PTPRN2: variants seen among roughly 807,000 people sequenced by gnomAD.
PTPRN2 encodes protein tyrosine phosphatase receptor type N2, also known as receptor-type tyrosine-protein phosphatase N2.
A neutral mutation model predicts 118.8 loss-of-function variants in PTPRN2; 74 were observed. The ratio of observed to expected loss-of-function variants is 0.62; its 90% CI spans 0.52 to 0.76. The LOEUF (loss-of-function observed/expected upper bound fraction) is 0.76. PTPRN2 is among the 30% of genes least tolerant of loss of function. The pLI is 0.00. For missense variants in PTPRN2, 1,481 were observed against 1,394.4 expected (o/e 1.06, Z -0.99); for synonymous variants, 641 against 608.0 (o/e 1.05, Z -0.80).
intron 11 of PTPRN2, among the ~76,000 whole-genome samples, chr7:157,984,737 C>G (rs1237145663): frequency 2.0e-5 from 3 of 152,182 alleles, no homozygotes; most frequent in African/African-American, 7.2e-5. Context: ...TCCCCACATG[C>G]AGCTCATCCC....
At chr7:158,407,247 T>C (rs1488474530) in intron 2 of PTPRN2, among the ~76,000 whole-genome samples, 711 of 31,694 alleles carry the variant, frequency 0.022, 70 homozygotes, top group East Asian at 0.041. Context: ...TCCTGGGTCC[T>C]GCGTCCTGGG....
At chr7:158,201,440 GA>G (rs1826642059) in intron 4 of PTPRN2, among the ~76,000 whole-genome samples, 1 of 152,180 alleles carries the variant, frequency 6.6e-6, no homozygotes, top group East Asian at 1.9e-4. Context: ...GAGACAAAGG[GA>G]AAAAATCAAA....
At chr7:158,153,722 T>C (rs998210490) in intron 6 of PTPRN2, among the ~76,000 whole-genome samples, 1 of 152,034 alleles carries the variant, frequency 6.6e-6, no homozygotes, top group African/African-American at 2.4e-5. Flanking sequence ...GAGAAGCCCG[T>C]GGTGTGCTCT....
rs1795605302 is a variant in PTPRN2, at chr7:157,874,650, C to A, written c.1788+24023G>T. Among the ~76,000 whole-genome samples, 1 of 152,180 alleles carries A rather than the reference C, an allele frequency of 6.6e-6. No homozygotes were observed. Among genetic ancestry groups the A allele is most frequent in the Non-Finnish European group, 1.5e-5 (1 of 68,034 alleles). On this transcript the variant is annotated intron_variant, in intron 12 of 22. Coordinates refer to ENST00000389418, the MANE Select transcript of PTPRN2 (RefSeq NM_002847.5). The surrounding 1 kb of genome is among the most constrained non-coding windows in gnomAD (Gnocchi z 5.8). ...GAGGGGGGCAGAGAAGGCCGTGCCACCCAGCAGCACAAGGCAGGGGTTTGC... is the reference window on the plus strand; with the variant it reads ...GAGGGGGGCAGAGAAGGCCGTGCCAACCAGCAGCACAAGGCAGGGGTTTGC...
intron 11 of PTPRN2, among the ~76,000 whole-genome samples, chr7:158,048,607 A>T (rs1809055777): frequency 8.9e-6 from 1 of 112,554 alleles, no homozygotes; most frequent in Non-Finnish European, 1.9e-5. Context: ...TATCATCATC[A>T]ATCACATCAC....
At chr7:158,584,820 T>G (rs1828827677) in intron 1 of PTPRN2, among the ~76,000 whole-genome samples, 1 of 152,212 alleles carries the variant, frequency 6.6e-6, no homozygotes, top group Admixed American at 6.5e-5. Flanking sequence ...GCTCCTTCAC[T>G]GTCAACATGA....
At position 158,156,531 on chromosome 7, in the gene PTPRN2, G is replaced by A. The variant is rs145250214; in HGVS notation, c.910+10400C>T. Reference sequence around the variant, plus strand: ...GAGCTAAGCCGACATCTGCAGAAACGCCCTCGTAATGGGAACAGTTACCTC... The same window carrying A: ...GAGCTAAGCCGACATCTGCAGAAACACCCTCGTAATGGGAACAGTTACCTC... On this transcript the variant is annotated intron_variant, in intron 6 of 22. Transcript: ENST00000389418. Among the ~76,000 whole-genome samples the A allele has an allele frequency of 4.4e-4, 67 of 152,330 alleles. 1 individual carries two copies. Among genetic ancestry groups the A allele is most frequent in the South Asian group, 2.1e-4 (1 of 4,830 alleles).
chr7:157,998,820 A>C (rs1241799153), intron 11 of PTPRN2, among the ~76,000 whole-genome samples: 1 of 150,902 alleles, frequency 6.6e-6, no homozygotes, highest in Non-Finnish European at 1.5e-5. Context: ...TCCATCTCAA[A>C]AAAAAAAAAA....
intron 2 of PTPRN2, among the ~76,000 whole-genome samples, chr7:158,404,650 T>A (rs1813210398): frequency 6.6e-6 from 1 of 151,598 alleles, no homozygotes; most frequent in Non-Finnish European, 1.5e-5. Context: ...GGCCTCCAGC[T>A]CCCCAGCCTC....
At chr7:157,932,675 C>T (rs2128781240) in intron 11 of PTPRN2, among the ~76,000 whole-genome samples, 1 of 150,620 alleles carries the variant, frequency 6.6e-6, no homozygotes, top group South Asian at 2.1e-4. Context: ...CTCTGATTGA[C>T]ATCTTTAGAG....
chr7:158,129,302 G>T (rs111204871), intron 9 of PTPRN2, among the ~76,000 whole-genome samples: 1 of 119,604 alleles, frequency 8.4e-6, no homozygotes, highest in Admixed American at 8.4e-5. Context: ...AACCACACAG[G>T]ACACCACACA....
intron 11 of PTPRN2, among the ~76,000 whole-genome samples, chr7:158,068,554 AC>A (rs2128913177): frequency 6.6e-6 from 1 of 152,082 alleles, no homozygotes; most frequent in South Asian, 2.1e-4. Flanking sequence ...GCATCATCAA[AC>A]CCCGCAAACC....
At position 158,570,576 on chromosome 7, in the gene PTPRN2, G is replaced by T. The variant is rs948568412; in HGVS notation, c.112+16982C>A. 6.6e-6 allele frequency among the ~76,000 whole-genome samples: 1 copy of T among 152,236 alleles called. No homozygotes were observed. Among genetic ancestry groups the T allele is most frequent in the Non-Finnish European group, 1.5e-5 (1 of 68,012 alleles). On this transcript the variant is annotated intron_variant, in intron 1 of 22. Transcript: ENST00000389418. The surrounding 1 kb of genome is among the most constrained non-coding windows in gnomAD (Gnocchi z 4.5). ...TGAAGCCTCTCCCTGTGTCCTCCGT[G>T]CCCCCCGAGTGGCCTGCTAGCCCGC...
chr7:157,713,331 G>A (rs558992578), intron 12 of PTPRN2, among the ~76,000 whole-genome samples: 9 of 152,220 alleles, frequency 5.9e-5, no homozygotes, highest in African/African-American at 1.9e-4. Context: ...ATAGCCCCAC[G>A]GCACGTTTCT....
In PTPRN2 at chr7:158,218,408, C is replaced by T. The variant is rs532984831; in HGVS notation, c.278-13135G>A. On this transcript the variant is annotated intron_variant, in intron 3 of 22. Transcript: ENST00000389418. ...AGTGAACACTAAAGAAATTCACTAT[C>T]ATTAGACCCGCTTTACAAAGGTCCT... is the stretch of plus-strand genomic sequence containing the variant. 9.7e-4 allele frequency among the ~76,000 whole-genome samples: 148 copies of T among 152,246 alleles called. 1 individual carries two copies. Among genetic ancestry groups the T allele is most frequent in the African/African-American group, 3.1e-3 (127 of 41,546 alleles).
chr7:157,895,433 G>A lies in PTPRN2; in HGVS notation c.1788+3240C>T, dbSNP rs150615704. Among the ~76,000 whole-genome samples, 895 of 151,562 alleles carry A rather than the reference G, an allele frequency of 5.9e-3. 14 individuals carry two copies. Among genetic ancestry groups the A allele is most frequent in the Non-Finnish European group, 7.3e-3 (497 of 67,638 alleles). ...GGACGAGACCATAAAATAAGCCAGAGGATCTGGACGAGACCATAAAATAAG... is the reference window on the plus strand; with the variant it reads ...GGACGAGACCATAAAATAAGCCAGAAGATCTGGACGAGACCATAAAATAAG... On this transcript the variant is annotated intron_variant, in intron 12 of 22. Transcript: ENST00000389418.
intron 1 of PTPRN2, among the ~76,000 whole-genome samples, chr7:158,518,287 A>G (rs866043456): frequency 5.9e-5 from 9 of 152,178 alleles, no homozygotes; most frequent in African/African-American, 2.2e-4. Context: ...GGATATGAAC[A>G]TTAATAGAGA....
At chr7:158,288,800 A>T (rs574374546) in intron 3 of PTPRN2, among the ~76,000 whole-genome samples, 15 of 152,252 alleles carry the variant, frequency 9.9e-5, no homozygotes, top group Admixed American at 9.8e-4. Flanking sequence ...TCATGTTGCT[A>T]GTTAGCATTC....
intron 6 of PTPRN2, among the ~76,000 whole-genome samples, chr7:158,144,031 C>T (rs1004276438): frequency 7.9e-5 from 12 of 152,160 alleles, no homozygotes; most frequent in East Asian, 3.9e-4. Flanking sequence ...GTGGTCCGTG[C>T]GGGGACAAGT....
Sources: gnomAD v4.1 joint callset for allele counts (sites outside exome capture counted in the v4.1 genomes callset) on GRCh38, gnomAD v4.1.1 for gene constraint, Gnocchi (gnomAD v3.1) non-coding constraint, MANE v1.5 for transcripts, NCBI Gene and HGNC (gene_info 2026-07-23, HGNC 2026-07-21) for gene names.